NPR3: variants seen among roughly 807,000 people sequenced by gnomAD.
NPR3 encodes the protein natriuretic peptide receptor 3, also known as atrial natriuretic peptide receptor 3.
Under a neutral mutation model 54.5 loss-of-function variants are expected in NPR3, and 34 were observed. The ratio of observed to expected loss-of-function variants is 0.62; its 90% CI spans 0.47 to 0.83. The LOEUF (loss-of-function observed/expected upper bound fraction) is 0.83. Ranked by LOEUF, NPR3 falls within the 40% of genes least tolerant of loss-of-function variation. The pLI is 0.00. For synonymous variants in NPR3, 289 were observed against 297.1 expected (o/e 0.97, Z 0.28); for missense variants, 674 against 720.8 (o/e 0.94, Z 0.74).
chr5:32,711,199 C>T (rs569905491), upstream of NPR3: 5 of 148,686 alleles, frequency 3.4e-5, no homozygotes, highest in East Asian at 1.0e-3. Flanking sequence ...CCAGCCCCCA[C>T]ATCTCCCCAC....
chr5:32,765,136 T>C (rs1434781453), intron 3 of NPR3, among the ~76,000 whole-genome samples: 2 of 152,210 alleles, frequency 1.3e-5, no homozygotes, highest in Non-Finnish European at 2.9e-5. Context: ...GTACCGCAAT[T>C]GCTAATAGTT....
chr5:32,742,787 A>T (rs1163139318), intron 3 of NPR3, among the ~76,000 whole-genome samples: 1 of 152,090 alleles, frequency 6.6e-6, no homozygotes, highest in Non-Finnish European at 1.5e-5. Flanking sequence ...TTCTTTGGCA[A>T]AATTATTCCT....
At chr5:32,756,816 A>C (rs1160908143) in intron 3 of NPR3, among the ~76,000 whole-genome samples, 1 of 152,206 alleles carries the variant, frequency 6.6e-6, no homozygotes, top group African/African-American at 2.4e-5. Context: ...TCAGCTTTCT[A>C]CATATGGCTA....
At chr5:32,768,941 T>C (rs182568127) in intron 3 of NPR3, among the ~76,000 whole-genome samples, 3 of 152,358 alleles carry the variant, frequency 2.0e-5, no homozygotes, top group Non-Finnish European at 1.5e-5. Context: ...CTCCCTGTGG[T>C]GCTTCCTGTC....
At position 32,724,768 on chromosome 5, in the gene NPR3, C is replaced by T. The variant is rs371257730; in HGVS notation, c.840C>T (p.Thr280=). ...TGGTGGCGCACAGGCATGGCATGAC[C>T]AGTGGAGACTACGCCTTCTTCAACA... ...IMLVAHRHGM[T]SGDYAFFNIE... Residue 280 remains threonine, a synonymous_variant, in exon 2 of 8, where the codon ACC becomes ACT. Coordinates refer to ENST00000265074, the MANE Select transcript of NPR3 (RefSeq NM_001204375.2). 12 of 1,613,796 alleles carry T rather than the reference C, an allele frequency of 7.4e-6. No homozygotes were observed. In the African/African-American group the frequency reaches 1.6e-4, roughly 22 times the overall value.
At chr5:32,738,290 C>T (rs1027953694) in intron 2 of NPR3, among the ~76,000 whole-genome samples, 1 of 151,976 alleles carries the variant, frequency 6.6e-6, no homozygotes, top group Non-Finnish European at 1.5e-5. Flanking sequence ...CTTCCCCTGC[C>T]CCCCACCCCC....
At chr5:32,735,958 C>A (rs560149081) in intron 2 of NPR3, among the ~76,000 whole-genome samples, 1 of 152,086 alleles carries the variant, frequency 6.6e-6, no homozygotes, top group Non-Finnish European at 1.5e-5. Context: ...AGGCTGAGCT[C>A]GGTGGCTCAC....
rs57789575 is a variant in NPR3, at chr5:32,770,913, A to G, written c.1060-3795A>G. 9.4e-3 allele frequency among the ~76,000 whole-genome samples: 1,433 copies of G among 152,336 alleles called. 25 individuals carry two copies. The highest frequency in any genetic ancestry group is 0.033 in the African/African-American group (1,372 of 41,580). ...TAGGTAACAACAGCATAACGACAGC[A>G]TGACCTGTGTTAGTCAGGACTTGGA... On this transcript the variant is annotated intron_variant, in intron 3 of 7. Coordinates refer to ENST00000265074, the MANE Select transcript of NPR3 (RefSeq NM_001204375.2).
At chr5:32,723,369 C>T (rs1490153045) in intron 1 of NPR3, among the ~76,000 whole-genome samples, 1 of 152,188 alleles carries the variant, frequency 6.6e-6, no homozygotes, top group Non-Finnish European at 1.5e-5. Flanking sequence ...TCGAGAGGCT[C>T]TCGAGTTGTG....
chr5:32,786,677 A>T lies in NPR3; in HGVS notation c.*332A>T. ...GCTTTTGGGAGCATTTCACACAAGG[A>T]TATAAAATGCGGTTTTCTTAAATGA... is the stretch of plus-strand genomic sequence containing the variant. On this transcript the variant is annotated 3_prime_UTR_variant, in exon 8 of 8. Coordinates refer to ENST00000265074, the MANE Select transcript of NPR3 (RefSeq NM_001204375.2). The T allele has an allele frequency of 4.7e-6, 1 of 214,376 alleles. No individual in the cohort carries two copies. The highest frequency in any genetic ancestry group is 9.0e-6 in the Non-Finnish European group (1 of 111,100). 13.3% of individuals were successfully genotyped at this position (214,376 alleles called of 1,614,324 possible).
intron 2 of NPR3, among the ~76,000 whole-genome samples, chr5:32,727,420 A>G (rs1447925946): frequency 1.3e-5 from 2 of 152,228 alleles, no homozygotes; most frequent in Non-Finnish European, 2.9e-5. Context: ...ATGAGCTACC[A>G]TGCTGCCTGC....
intron 1 of NPR3, among the ~76,000 whole-genome samples, chr5:32,723,972 C>G (rs10036648): frequency 0.58 from 87,692 of 151,800 alleles, 26,023 homozygotes; most frequent in Middle Eastern, 0.65. Flanking sequence ...CATATACATA[C>G]ACACACAGAT....
intron 2 of NPR3, among the ~76,000 whole-genome samples, chr5:32,728,609 T>C (rs1244973476): frequency 1.3e-5 from 2 of 151,838 alleles, no homozygotes; most frequent in Non-Finnish European, 2.9e-5. Context: ...GGAATATTCC[T>C]TGAAATAAGA....
At chr5:32,694,499 C>T (rs1369993607) in intron 1 of NPR3, among the ~76,000 whole-genome samples, 2 of 152,096 alleles carry the variant, frequency 1.3e-5, no homozygotes, top group East Asian at 1.9e-4. Flanking sequence ...TTTTTCTCAA[C>T]CTTATTGCTA....
chr5:32,764,122 G>C (rs1483795900), intron 3 of NPR3, among the ~76,000 whole-genome samples: 4 of 152,148 alleles, frequency 2.6e-5, no homozygotes, highest in Non-Finnish European at 5.9e-5. Flanking sequence ...ATGTTCCTCA[G>C]CTTCTCAGCC....
intron 1 of NPR3, among the ~76,000 whole-genome samples, chr5:32,717,974 T>A (rs183090595): frequency 1.3e-5 from 2 of 152,234 alleles, no homozygotes; most frequent in African/African-American, 4.8e-5. Context: ...TCTTCTAGGG[T>A]TTTTTATGGT....
chr5:32,719,607 T>C (rs1444991997), intron 1 of NPR3, among the ~76,000 whole-genome samples: 1 of 152,140 alleles, frequency 6.6e-6, no homozygotes, highest in African/African-American at 2.4e-5. Context: ...AATAGGCCTC[T>C]TTTATCCAGA....
intron 3 of NPR3, among the ~76,000 whole-genome samples, chr5:32,742,659 T>A (rs556355733): frequency 6.6e-6 from 1 of 152,286 alleles, no homozygotes; most frequent in East Asian, 1.9e-4. Flanking sequence ...AAAGAGCATA[T>A]AACAGAATTC....
chr5:32,752,123 G>C (rs1740608676), intron 3 of NPR3, among the ~76,000 whole-genome samples: 1 of 152,150 alleles, frequency 6.6e-6, no homozygotes, highest in African/African-American at 2.4e-5. Flanking sequence ...AGAATCACTT[G>C]AACCCAGGAG....
Sources: allele counts gnomAD v4.1 joint callset (sites outside exome capture counted in the v4.1 genomes callset), GRCh38; gene constraint gnomAD v4.1.1; transcripts MANE v1.5; gene names NCBI Gene and HGNC (gene_info 2026-07-23, HGNC 2026-07-21).